The following ACVR2B variants were observed in gnomAD, a reference collection of about 807,000 sequenced individuals.
ACVR2B encodes the protein activin receptor type-2B.
Under a neutral mutation model 65.1 loss-of-function variants are expected in ACVR2B, and 18 were observed. The observed-to-expected ratio is 0.28, with a 90% confidence interval of 0.19 to 0.41. ACVR2B has a LOEUF of 0.41. ACVR2B is among the 10% of genes least tolerant of loss of function. The pLI is 1.00. For missense variants in ACVR2B, 482 were observed against 682.7 expected (o/e 0.71, Z 3.28); for synonymous variants, 298 against 277.7 (o/e 1.07, Z -0.73).
chr3:38,478,219 C>G lies in ACVR2B; in HGVS notation c.449C>G (p.Ser150Cys). 1.2e-6 allele frequency: 2 copies of G among 1,614,154 alleles called. No homozygotes were observed. The highest frequency in any genetic ancestry group is 1.3e-5 in the African/African-American group (1 of 75,058). ...AYSLLPIGGL[S>C]LIVLLAFWMY... ...TCACTGCTGCCCATCGGGGGCCTTT[C>G]CCTCATCGTCCTGCTGGCCTTTTGG... is the stretch of plus-strand genomic sequence containing the variant. The change falls in exon 4 of 11, where the codon TCC (serine) becomes TGC (cysteine). Residue 150 changes from serine (S) to cysteine (C), a missense_variant. Coordinates refer to ENST00000352511, the MANE Select transcript of ACVR2B (RefSeq NM_001106.4).
At chr3:38,464,628 T>C (rs1379576187) in intron 1 of ACVR2B, among the ~76,000 whole-genome samples, 7 of 152,262 alleles carry the variant, frequency 4.6e-5, no homozygotes, top group Middle Eastern at 3.4e-3. Context: ...TTTGATAGCT[T>C]TGTGGGGCTA....
At chr3:38,461,480 G>A (rs1709646133) in intron 1 of ACVR2B, among the ~76,000 whole-genome samples, 2 of 152,224 alleles carry the variant, frequency 1.3e-5, no homozygotes, top group East Asian at 1.9e-4. Context: ...GATGAATTCT[G>A]GTTTCTTTTC....
chr3:38,483,170 G>A lies in ACVR2B; in HGVS notation c.1377G>A (p.Glu459=). Residue 459 remains glutamate (E), a synonymous_variant, in exon 11 of 11, where the codon GAG becomes GAA. Coordinates refer to ENST00000352511, the MANE Select transcript of ACVR2B (RefSeq NM_001106.4). This position sits in a 1 kb window ranked among gnomAD's most constrained non-coding sequence, Gnocchi z 4.8. ...GLAQLCVTIE[E]CWDHDAEARL... is the part of the protein sequence containing the mutation. ...CCCAGCTTTGTGTGACCATCGAGGA[G>A]TGCTGGGACCATGATGCAGAGGCTC... The A allele has an allele frequency of 1.2e-6, 2 of 1,614,192 alleles. No individual in the cohort carries two copies. The highest frequency in any genetic ancestry group is 1.7e-6 in the Non-Finnish European group (2 of 1,180,042).
At chr3:38,461,397 G>A (rs1019476742) in intron 1 of ACVR2B, among the ~76,000 whole-genome samples, 14 of 152,194 alleles carry the variant, frequency 9.2e-5, no homozygotes, top group Admixed American at 3.3e-4. Context: ...GCTTCTCTGT[G>A]TAGTGAGGGC....
rs943989811 is a variant in ACVR2B, at chr3:38,485,314, C to T, written c.*1982C>T. 2 of 152,218 alleles carry T rather than the reference C, an allele frequency of 1.3e-5. No homozygotes were observed. Among genetic ancestry groups the T allele is most frequent in the African/African-American group, 4.8e-5 (2 of 41,442 alleles). The allele number at this position is 152,218 out of a possible 1,614,324, so 9.4% of individuals were successfully genotyped here. On this transcript the variant is annotated 3_prime_UTR_variant, in exon 11 of 11. Transcript: ENST00000352511. Reference sequence around the variant, plus strand: ...TGGGGTGATTTTACTTGGGATTTAACTTCTTCAGCAAATTAACAGCAACGT... The same window carrying T: ...TGGGGTGATTTTACTTGGGATTTAATTTCTTCAGCAAATTAACAGCAACGT...
At chr3:38,456,669 T>TA (rs1709555814) in intron 1 of ACVR2B, among the ~76,000 whole-genome samples, 1 of 151,860 alleles carries the variant, frequency 6.6e-6, no homozygotes, top group African/African-American at 2.4e-5. Context: ...GGCTTGCAGA[T>TA]ATCTGCCTTC....
rs1413429924 is a variant in ACVR2B at position 38,488,791 on chromosome 3, C to T, written c.*5459C>T. On this transcript the variant is annotated 3_prime_UTR_variant, in exon 11 of 11. Coordinates refer to ENST00000352511, the MANE Select transcript of ACVR2B (RefSeq NM_001106.4). ...CCTCAGTAATTGAAACACATATTCTCTAAATGCCAATGTGTGGTGATGGGC... is the reference window on the plus strand; with the variant it reads ...CCTCAGTAATTGAAACACATATTCTTTAAATGCCAATGTGTGGTGATGGGC... The T allele has an allele frequency of 6.6e-6, 1 of 152,154 alleles. No individual in the cohort carries two copies. The highest frequency in any genetic ancestry group is 2.4e-5 in the African/African-American group (1 of 41,438). The allele number at this position is 152,154 out of a possible 1,614,324, so 9.4% of individuals were successfully genotyped here.
At position 38,463,411 on chromosome 3, in the gene ACVR2B, T is replaced by C. The variant is rs757043462; in HGVS notation, c.52+9037T>C. Among the ~76,000 whole-genome samples, 185 of 152,160 alleles carry C rather than the reference T, an allele frequency of 1.2e-3. 1 individual carries two copies. The highest frequency in any genetic ancestry group is 3.2e-4 in the Non-Finnish European group (22 of 68,034). Reference sequence around the variant, plus strand: ...TTGGAGAAACCTGTAGAAAAACTATTTTAGAGTCTGGTGAGAAGCTTTTCA... The same window carrying C: ...TTGGAGAAACCTGTAGAAAAACTATCTTAGAGTCTGGTGAGAAGCTTTTCA... On this transcript the variant is annotated intron_variant, in intron 1 of 10. Transcript: ENST00000352511.
rs1475626459 is a variant in ACVR2B at position 38,492,089 on chromosome 3, CACAT to C, written c.*8760_*8763del. The C allele has an allele frequency of 6.6e-6, 1 of 152,316 alleles. No individual in the cohort carries two copies. The highest frequency in any genetic ancestry group is 1.5e-5 in the Non-Finnish European group (1 of 68,036). 9.4% of individuals were successfully genotyped at this position (152,316 alleles called of 1,614,324 possible). On this transcript the variant is annotated 3_prime_UTR_variant, in exon 11 of 11. Transcript: ENST00000352511. ...TATGAAAAGAGCTTTCTGCATGTAA[CACAT>C]ACGGTTAAAGAACACAGCAAAGGAC... is the stretch of plus-strand genomic sequence containing the variant.
intron 6 of ACVR2B, 33 bp from the exon 7 acceptor site, chr3:38,479,645 T>A: frequency 6.2e-7 from 1 of 1,613,334 alleles, no homozygotes; most frequent in Middle Eastern, 1.6e-4. Flanking sequence ...GTACCCAGAA[T>A]CTGTGCTCAA....
At chr3:38,464,875 T>C (rs1559647758) in intron 1 of ACVR2B, among the ~76,000 whole-genome samples, 1 of 151,948 alleles carries the variant, frequency 6.6e-6, no homozygotes, top group East Asian at 1.9e-4. Context: ...CTGGACAATA[T>C]AGGAAGACCC....
At chr3:38,458,539 C>T (rs762678107) in intron 1 of ACVR2B, among the ~76,000 whole-genome samples, 2 of 152,274 alleles carry the variant, frequency 1.3e-5, no homozygotes, top group South Asian at 4.1e-4. Flanking sequence ...ACTTACTTTG[C>T]CTTTTGTGAT....
chr3:38,461,709 T>A (rs1309185810), intron 1 of ACVR2B, among the ~76,000 whole-genome samples: 1 of 152,194 alleles, frequency 6.6e-6, no homozygotes, highest in Non-Finnish European at 1.5e-5. Context: ...AAAAAAAATT[T>A]ATTACTTTTT....
intron 1 of ACVR2B, among the ~76,000 whole-genome samples, chr3:38,460,110 C>T (rs1305697429): frequency 6.6e-6 from 1 of 152,228 alleles, no homozygotes; most frequent in Non-Finnish European, 1.5e-5. Flanking sequence ...TGCTGAGGTT[C>T]AGACTTCCTA....
At chr3:38,482,148 G>C (rs1366888379) in intron 8 of ACVR2B, 50 bp from the exon 9 acceptor site, 4 of 1,613,348 alleles carry the variant, frequency 2.5e-6, no homozygotes, top group Non-Finnish European at 2.5e-6. Flanking sequence ...TCCCAGCTGT[G>C]TGTGTATGGC....
At chr3:38,469,363 G>A (rs1023622757) in intron 1 of ACVR2B, among the ~76,000 whole-genome samples, 8 of 152,144 alleles carry the variant, frequency 5.3e-5, no homozygotes, top group African/African-American at 1.4e-4. Context: ...GTAGCAGTGT[G>A]GACAATAGGA....
In ACVR2B at chr3:38,463,253, A is replaced by G. The variant is rs185297645; in HGVS notation, c.52+8879A>G. Among the ~76,000 whole-genome samples the G allele has an allele frequency of 3.3e-5, 5 of 152,336 alleles. No homozygotes were observed. The East Asian group carries it at 7.7e-4, about 23-fold the overall frequency. ...GCTCTATGCTGCGTGCAGACTCTGA[A>G]GAGACTAAGGCACTTGTTGAAGGTC... On this transcript the variant is annotated intron_variant, in intron 1 of 10. Coordinates refer to ENST00000352511, the MANE Select transcript of ACVR2B (RefSeq NM_001106.4).
chr3:38,480,622 G>C (rs1011196006), intron 7 of ACVR2B, among the ~76,000 whole-genome samples: 3 of 152,206 alleles, frequency 2.0e-5, no homozygotes. Flanking sequence ...AAAGCTGAAG[G>C]GTCCCTGATG....
intron 1 of ACVR2B, among the ~76,000 whole-genome samples, chr3:38,472,814 T>A (rs1034416019): frequency 6.6e-6 from 1 of 152,116 alleles, no homozygotes; most frequent in Non-Finnish European, 1.5e-5. Context: ...TTTGAGCCCC[T>A]CACAGATGGG....
Sources: gnomAD v4.1 joint callset for allele counts (sites outside exome capture counted in the v4.1 genomes callset) on GRCh38, gnomAD v4.1.1 for gene constraint, Gnocchi (gnomAD v3.1) non-coding constraint, MANE v1.5 for transcripts, NCBI Gene and HGNC (gene_info 2026-07-23, HGNC 2026-07-21) for gene names.